Variants in QSOX2 observed in about 807,000 individuals in gnomAD.
QSOX2 encodes the protein quiescin sulfhydryl oxidase 2, also known as sulfhydryl oxidase 2.
QSOX2 carries 46 observed loss-of-function variants against 61.7 expected under a neutral mutation model. That is an observed-to-expected ratio of 0.75 (90% CI 0.59 to 0.95). QSOX2 has a LOEUF of 0.95. Ranked by LOEUF, QSOX2 falls within the 40% of genes least tolerant of loss-of-function variation. The pLI is 0.00. For synonymous variants in QSOX2, 383 were observed against 388.4 expected (o/e 0.99, Z 0.16); for missense variants, 879 against 918.9 (o/e 0.96, Z 0.56).
intron 11 of QSOX2, 25 bp downstream of exon 11, chr9:136,211,239 C>T (rs765834890): frequency 6.2e-7 from 1 of 1,609,100 alleles, no homozygotes; most frequent in African/African-American, 1.3e-5. Context: ...CCGTGCTGAG[C>T]CCCCCATGCC....
In QSOX2 at chr9:136,208,554, C is replaced by T. The variant is rs1473222073; in HGVS notation, c.*174G>A. On this transcript the variant is annotated 3_prime_UTR_variant, in exon 12 of 12. Coordinates refer to ENST00000358701, the MANE Select transcript of QSOX2 (RefSeq NM_181701.4). ...CCACAAAATTACCCCGTGTTCTTCC[C>T]TTGTTAGAAGAGCGTTTGTAAAACC... 7.2e-6 allele frequency: 5 copies of T among 697,872 alleles called. No individual in the cohort carries two copies. In the African/African-American group the frequency reaches 9.0e-5, roughly 13 times the overall value. The allele number at this position is 697,872 out of a possible 1,614,324, so 43.2% of individuals were successfully genotyped here. A position where few individuals can be genotyped will look rare whatever the true frequency, so the allele number is the denominator to read the frequency against.
At chr9:136,217,201 A>T (rs574412333) in intron 8 of QSOX2, among the ~76,000 whole-genome samples, 1 of 152,242 alleles carries the variant, frequency 6.6e-6, no homozygotes, top group African/African-American at 2.4e-5. Flanking sequence ...CTAACTGCCT[A>T]TGGGCTTGTG....
At position 136,245,596 on chromosome 9, in the gene QSOX2, T is replaced by G; in HGVS notation, c.208A>C (p.Ser70Arg). Residue 70 changes from serine to arginine, a missense_variant, in exon 1 of 12, where the codon AGC becomes CGC. Ser to Arg is a moderately radical substitution (Grantham distance 110, BLOSUM62 -1). Transcript: ENST00000358701. The part of the protein sequence containing the change: ...EDAVWVLDSG[S>R]VRGATANSSA... The stretch of plus-strand genomic sequence containing the variant: ...CTGTTGGCGGTGGCCCCGCGCACGC[T>G]GCCGCTGTCCAGCACCCACACGGCG... The G allele has an allele frequency of 6.4e-7, 1 of 1,573,830 alleles. No individual in the cohort carries two copies. Among genetic ancestry groups the G allele is most frequent in the Middle Eastern group, 1.7e-4 (1 of 5,750 alleles).
intron 1 of QSOX2, among the ~76,000 whole-genome samples, chr9:136,228,303 G>C (rs912741018): frequency 1.3e-5 from 2 of 152,210 alleles, no homozygotes; most frequent in African/African-American, 4.8e-5. Context: ...ATTCTGTAAA[G>C]AGAGACCTGC....
intron 11 of QSOX2, chr9:136,210,055 T>C (rs1037763674): frequency 1.0e-6 from 1 of 985,250 alleles, no homozygotes; most frequent in African/African-American, 1.7e-5. Context: ...GTGCCTGAAA[T>C]CAAGAGATGC....
intron 1 of QSOX2, 145 bp from the exon 2 acceptor site, chr9:136,227,019 A>C (rs1830288701): frequency 3.0e-6 from 2 of 667,444 alleles, no homozygotes; most frequent in Non-Finnish European, 5.5e-6. Flanking sequence ...CCCTCATCAC[A>C]CAGAGCGTCT....
rs1830217826 is a variant in QSOX2 at position 136,221,898 on chromosome 9, C to T, written c.719G>A (p.Arg240Gln). The T allele has an allele frequency of 1.9e-6, 3 of 1,611,348 alleles. No homozygotes were observed. Among genetic ancestry groups the T allele is most frequent in the African/African-American group, 1.3e-5 (1 of 74,866 alleles). ...LIPYESIVVT[R>Q]ALDGDKAFLE... ...AAATGCTTTGTCCCCGTCCAGTGCTCGGGTCACCACGATGCTTTCATACGG... is the reference window on the plus strand; with the variant it reads ...AAATGCTTTGTCCCCGTCCAGTGCTTGGGTCACCACGATGCTTTCATACGG... The change falls in exon 6 of 12, where the codon CGA becomes CAA. Residue 240 changes from arginine to glutamine, a missense_variant. Arg to Gln is a conservative substitution (Grantham distance 43). Coordinates refer to ENST00000358701, the MANE Select transcript of QSOX2 (RefSeq NM_181701.4). The surrounding 1 kb of genome is among the most constrained non-coding windows in gnomAD (Gnocchi z 4.5).
chr9:136,221,512 T>C lies in QSOX2; in HGVS notation c.821+284A>G, dbSNP rs924053026. ...GCCCCGGCCCAGCAGCCCTCATGCA[T>C]GTGCTGGTTTAGCCACGGTTTCCTC... On this transcript the variant is annotated intron_variant, in intron 6 of 11. Transcript: ENST00000358701. This position sits in a 1 kb window ranked among gnomAD's most constrained non-coding sequence, Gnocchi z 4.5. 2.6e-5 allele frequency among the ~76,000 whole-genome samples: 4 copies of C among 152,240 alleles called. No individual in the cohort carries two copies. Among genetic ancestry groups the C allele is most frequent in the African/African-American group, 9.6e-5 (4 of 41,460 alleles).
At chr9:136,220,187 A>C (rs1831963978) in intron 6 of QSOX2, among the ~76,000 whole-genome samples, 1 of 152,018 alleles carries the variant, frequency 6.6e-6, no homozygotes, top group African/African-American at 2.4e-5. Flanking sequence ...ATACTCCACC[A>C]CGCCCGGCTA....
rs58474709 is a variant in QSOX2, at chr9:136,207,364, T to TACACACACACACACACACACAC, written c.*1342_*1363dup. On this transcript the variant is annotated 3_prime_UTR_variant, in exon 12 of 12. Transcript: ENST00000358701. ...ACCGTCAAAGTCTCTCTCTCTCTCA[T>TACACACACACACACACACACAC]ACACACACACACACACACACACACA... The TACACACACACACACACACACAC allele has an allele frequency of 6.9e-6, 1 of 145,032 alleles. No homozygotes were observed. Among genetic ancestry groups the TACACACACACACACACACACAC allele is most frequent in the Admixed American group, 6.9e-5 (1 of 14,582 alleles). 9.0% of individuals were successfully genotyped at this position (145,032 alleles called of 1,614,324 possible).
chr9:136,231,071 C>A (rs372290738), intron 1 of QSOX2, among the ~76,000 whole-genome samples: 4 of 152,352 alleles, frequency 2.6e-5, no homozygotes, highest in East Asian at 1.9e-4. Flanking sequence ...ATTTACACAG[C>A]CCTTTACAGT....
At chr9:136,217,928 G>A (rs553696259) in intron 8 of QSOX2, among the ~76,000 whole-genome samples, 3 of 152,342 alleles carry the variant, frequency 2.0e-5, no homozygotes, top group South Asian at 2.1e-4. Flanking sequence ...AAGATTTCCT[G>A]TACTTTTCAC....
At chr9:136,213,639 C>A (rs1831875668) in intron 10 of QSOX2, among the ~76,000 whole-genome samples, 1 of 151,440 alleles carries the variant, frequency 6.6e-6, no homozygotes, top group Non-Finnish European at 1.5e-5. Context: ...TTCAGAAGGC[C>A]ACTATAGTGC....
rs118041735 is a variant in QSOX2, at chr9:136,206,537, A to T, written c.*2191T>A. The T allele has an allele frequency of 0.015, 2,279 of 152,592 alleles. 25 individuals carry two copies. The highest frequency in any genetic ancestry group is 0.031 in the Middle Eastern group (9 of 294). The allele number at this position is 152,592 out of a possible 1,614,324, so 9.5% of individuals were successfully genotyped here. A position where few individuals can be genotyped will look rare whatever the true frequency, so the allele number is the denominator to read the frequency against. The stretch of plus-strand genomic sequence containing the variant: ...TTCATTAGTCTCAATACCTCTTAAA[A>T]TACTTAAAACTTTAGAAAATAGACT... On this transcript the variant is annotated 3_prime_UTR_variant, in exon 12 of 12. Coordinates refer to ENST00000358701, the MANE Select transcript of QSOX2 (RefSeq NM_181701.4).
At chr9:136,226,639 G>C (rs1830284546) in intron 2 of QSOX2, 135 bp downstream of exon 2, 1 of 766,792 alleles carries the variant, frequency 1.3e-6, no homozygotes, top group Admixed American at 1.7e-5. Context: ...GAAGTTCCAA[G>C]GAGAGAGCCA....
At chr9:136,210,156 T>C (rs916618575) in intron 11 of QSOX2, 19 of 985,348 alleles carry the variant, frequency 1.9e-5, no homozygotes, top group Non-Finnish European at 2.3e-5. Flanking sequence ...CACAGACCAG[T>C]GGCACCTTGG....
chr9:136,229,865 G>A (rs904010662), intron 1 of QSOX2, among the ~76,000 whole-genome samples: 5 of 152,310 alleles, frequency 3.3e-5, no homozygotes, highest in South Asian at 2.1e-4. Flanking sequence ...CTATCTTCCC[G>A]TAGATCTTGG....
Position 136,209,051 on chromosome 9 carries a change from T to C in QSOX2, c.1774A>G (p.Lys592Glu). 1 of 1,614,042 alleles carries C rather than the reference T, an allele frequency of 6.2e-7. No homozygotes were observed. The highest frequency in any genetic ancestry group is 8.5e-7 in the Non-Finnish European group (1 of 1,179,974). ...GTLARGEEEE[K>E]RLTPPEVSHG... is the part of the protein sequence containing the mutation. The stretch of plus-strand genomic sequence containing the variant: ...GACACCTCTGGGGGAGTGAGTCTTT[T>C]CTCCTCTTCCTCACCCCTGGCCAGG... The change falls in exon 12 of 12, where the codon AAA becomes GAA. Residue 592 changes from lysine to glutamate, a missense_variant. Coordinates refer to ENST00000358701, the MANE Select transcript of QSOX2 (RefSeq NM_181701.4). The surrounding 1 kb of genome is among the most constrained non-coding windows in gnomAD (Gnocchi z 5.6).
At chr9:136,232,068 C>G (rs28375101) in intron 1 of QSOX2, among the ~76,000 whole-genome samples, 1 of 152,192 alleles carries the variant, frequency 6.6e-6, no homozygotes, top group African/African-American at 2.4e-5. Context: ...GTGTCACTGA[C>G]AGGCTCCTGG....
Sources: allele counts gnomAD v4.1 joint callset (sites outside exome capture counted in the v4.1 genomes callset), GRCh38; gene constraint gnomAD v4.1.1; non-coding constraint Gnocchi (gnomAD v3.1); transcripts MANE v1.5; gene names NCBI Gene and HGNC (gene_info 2026-07-23, HGNC 2026-07-21).